Variants in SKAP1 observed in about 807,000 individuals in gnomAD.
The protein encoded by SKAP1 is src kinase-associated phosphoprotein 1.
A neutral mutation model predicts 58.5 loss-of-function variants in SKAP1; 44 were observed. That is an observed-to-expected ratio of 0.75 (90% CI 0.59 to 0.97). SKAP1 has a LOEUF of 0.97. Ranked by LOEUF, SKAP1 falls within the 50% of genes least tolerant of loss-of-function variation. SKAP1 has a pLI of 0.00. For missense variants in SKAP1, 390 were observed against 435.2 expected (o/e 0.90, Z 0.92); for synonymous variants, 127 against 149.7 (o/e 0.85, Z 1.11).
At chr17:48,185,118 C>A in intron 6 of SKAP1, 1 of 344,584 alleles carries the variant, frequency 2.9e-6, no homozygotes, top group Non-Finnish European at 5.3e-6. Context: ...GTTAAGAGAT[C>A]TATAACAACA....
At chr17:48,436,377 C>G in the SKAP1 span, among the ~76,000 whole-genome samples, 3 of 152,120 alleles carry the variant, frequency 2.0e-5, no homozygotes, top group Non-Finnish European at 4.4e-5. Context: ...TGGCCAACAA[C>G]TGTACCCGGC....
At chr17:48,144,752 AAG>A (rs1434590502) in intron 11 of SKAP1, among the ~76,000 whole-genome samples, 5 of 152,204 alleles carry the variant, frequency 3.3e-5, no homozygotes, top group African/African-American at 7.2e-5. Context: ...TAGGATGGCA[AAG>A]AGAACTGAAT....
At chr17:48,383,123 T>G (rs1028034690) in intron 2 of SKAP1, among the ~76,000 whole-genome samples, 2 of 152,236 alleles carry the variant, frequency 1.3e-5, no homozygotes, top group Non-Finnish European at 2.9e-5. Context: ...GTAAATTATC[T>G]GCTTCCGGTC....
intron 4 of SKAP1, among the ~76,000 whole-genome samples, chr17:48,271,016 A>C (rs1313666631): frequency 6.6e-6 from 1 of 152,114 alleles, no homozygotes; most frequent in Non-Finnish European, 1.5e-5. Flanking sequence ...AGGTGTCAGA[A>C]GGAGATAGGA....
chr17:48,162,424 G>A (rs976388623), intron 11 of SKAP1, 45 bp downstream of exon 11: 7 of 1,369,768 alleles, frequency 5.1e-6, no homozygotes, highest in Non-Finnish European at 7.2e-6. Context: ...AATCAAGAAT[G>A]AAAAAATTGA....
chr17:48,185,089 A>C, intron 6 of SKAP1: 1 of 440,030 alleles, frequency 2.3e-6, no homozygotes, highest in Non-Finnish European at 4.0e-6. Flanking sequence ...TACAACAGAG[A>C]CAGAGAATTT....
chr17:48,288,114 AATTG>A (rs1245236163), intron 4 of SKAP1, among the ~76,000 whole-genome samples: 1 of 152,124 alleles, frequency 6.6e-6, no homozygotes, highest in Non-Finnish European at 1.5e-5. Flanking sequence ...TGAATTCTCT[AATTG>A]ATTATTTGCT....
intron 3 of SKAP1, among the ~76,000 whole-genome samples, chr17:48,346,589 A>G (rs2066726966): frequency 6.6e-6 from 1 of 151,826 alleles, no homozygotes; most frequent in South Asian, 2.1e-4. Flanking sequence ...GCACCATTGC[A>G]CTCCGGCCTG....
rs34859955 is a variant in SKAP1, at chr17:48,400,101, C to CT, written c.47-3317dup. ...ATCAACTGTATTTCTTTTTTCTTTT[C>CT]TTTTTTTTTTTTTTTGAGACGGAGT... On this transcript the variant is annotated intron_variant, in intron 1 of 12. Transcript: ENST00000336915. 8.2e-3 allele frequency among the ~76,000 whole-genome samples: 1,129 copies of CT among 138,108 alleles called. 12 individuals are homozygous for CT. The highest frequency in any genetic ancestry group is 0.014 in the South Asian group (61 of 4,384). 90.6% of individuals were successfully genotyped at this position (138,108 alleles called of 152,430 possible).
intron 1 of SKAP1, among the ~76,000 whole-genome samples, chr17:48,413,676 T>G (rs1160771426): frequency 6.6e-6 from 1 of 151,584 alleles, no homozygotes; most frequent in Non-Finnish European, 1.5e-5. Context: ...ATTACCTCCT[T>G]TATTTAACCA....
At chr17:48,288,286 C>T (rs982703346) in intron 4 of SKAP1, among the ~76,000 whole-genome samples, 4 of 152,170 alleles carry the variant, frequency 2.6e-5, no homozygotes, top group African/African-American at 9.7e-5. Context: ...CAATAATTCT[C>T]TCTCTATAAG....
intron 4 of SKAP1, among the ~76,000 whole-genome samples, chr17:48,318,501 C>T (rs570285887): frequency 6.6e-6 from 1 of 152,290 alleles, no homozygotes; most frequent in African/African-American, 2.4e-5. Context: ...ATTAGGCTCT[C>T]ATGTGTTTGG....
Position 48,351,967 on chromosome 17 carries a change from C to T in SKAP1, c.179-5961G>A, listed in dbSNP as rs1170352773. 2.0e-5 allele frequency among the ~76,000 whole-genome samples: 3 copies of T among 151,094 alleles called. No individual in the cohort carries two copies. In the East Asian group the frequency reaches 5.8e-4, roughly 29 times the overall value. Reference sequence around the variant, plus strand: ...AAAAGTTCTTTTTTTCTTTTTTTCCCTCAAGAAAATGGTCCTTTGTAATGC... The same window carrying T: ...AAAAGTTCTTTTTTTCTTTTTTTCCTTCAAGAAAATGGTCCTTTGTAATGC... On this transcript the variant is annotated intron_variant, in intron 3 of 12. Transcript: ENST00000336915.
chr17:48,337,887 A>G (rs1306280192), intron 4 of SKAP1, among the ~76,000 whole-genome samples: 1 of 152,176 alleles, frequency 6.6e-6, no homozygotes, highest in Non-Finnish European at 1.5e-5. Flanking sequence ...GAATGCATGC[A>G]GTGTAAGCCA....
At chr17:48,187,585 G>A (rs146667140) in intron 6 of SKAP1, among the ~76,000 whole-genome samples, 273 of 152,150 alleles carry the variant, frequency 1.8e-3, no homozygotes, top group African/African-American at 6.1e-3. Context: ...TTGATAATGT[G>A]TTGTTAATCA....
chr17:48,337,609 C>A (rs2066591057), intron 4 of SKAP1, among the ~76,000 whole-genome samples: 1 of 152,148 alleles, frequency 6.6e-6, no homozygotes, highest in South Asian at 2.1e-4. Context: ...TTAATTAGTT[C>A]TATGTCAAAT....
intron 9 of SKAP1, among the ~76,000 whole-genome samples, chr17:48,179,027 A>T (rs2064332262): frequency 6.6e-6 from 1 of 152,110 alleles, no homozygotes; most frequent in Non-Finnish European, 1.5e-5. Context: ...AGAGGGTTGG[A>T]CGCTCTTCTT....
At chr17:48,141,237 A>G (rs2063764142) in intron 11 of SKAP1, among the ~76,000 whole-genome samples, 1 of 152,184 alleles carries the variant, frequency 6.6e-6, no homozygotes, top group Admixed American at 6.5e-5. Context: ...ACAGTCTCCA[A>G]GTTAATCTCT....
At chr17:48,205,188 C>T (rs2064794333) in intron 4 of SKAP1, among the ~76,000 whole-genome samples, 1 of 151,414 alleles carries the variant, frequency 6.6e-6, no homozygotes, top group South Asian at 2.1e-4. Context: ...TGGTTCACTG[C>T]AGTCTCCACC....
Sources: allele counts gnomAD v4.1 joint callset (sites outside exome capture counted in the v4.1 genomes callset), GRCh38; gene constraint gnomAD v4.1.1; transcripts MANE v1.5; gene names NCBI Gene and HGNC (gene_info 2026-07-23, HGNC 2026-07-21).